ZMAT4: variants seen among roughly 807,000 people sequenced by gnomAD.
ZMAT4 encodes the protein zinc finger matrin-type 4.
A neutral mutation model predicts 28.7 loss-of-function variants in ZMAT4; 17 were observed. That is an observed-to-expected ratio of 0.59 (90% CI 0.41 to 0.89). The LOEUF is 0.89. Ranked by LOEUF, ZMAT4 falls within the 40% of genes least tolerant of loss-of-function variation. The probability of loss-of-function intolerance (pLI) is 0.00; values close to 1 mark genes in which losing one functional copy is unlikely to be tolerated. For synonymous variants in ZMAT4, 117 were observed against 109.2 expected (o/e 1.07, Z -0.44); for missense variants, 240 against 283.8 (o/e 0.85, Z 1.11).
intron 5 of ZMAT4, among the ~76,000 whole-genome samples, chr8:40,636,214 A>G (rs909150802): frequency 1.3e-5 from 2 of 152,262 alleles, no homozygotes; most frequent in Non-Finnish European, 2.9e-5. Flanking sequence ...ACACATATAC[A>G]TACACACACA....
chr8:40,601,507 A>AGAAAGAG (rs1554525415), intron 5 of ZMAT4, among the ~76,000 whole-genome samples: 1 of 143,140 alleles, frequency 7.0e-6, no homozygotes, highest in African/African-American at 2.6e-5. Context: ...GAAAGAAAGA[A>AGAAAGAG]AGAGAAAGAG....
At chr8:40,810,563 A>G (rs767634154) in intron 2 of ZMAT4, among the ~76,000 whole-genome samples, 6 of 152,222 alleles carry the variant, frequency 3.9e-5, no homozygotes, top group Non-Finnish European at 8.8e-5. Context: ...TGCAATATTT[A>G]AAGGTAAGCT....
intron 3 of ZMAT4, among the ~76,000 whole-genome samples, chr8:40,765,551 C>T (rs150314677): frequency 2.2e-3 from 339 of 151,986 alleles, no homozygotes; most frequent in African/African-American, 7.9e-3. Context: ...TTTTCAAAAC[C>T]CAGGAAACAG....
At chr8:40,630,332 A>C (rs1391480471) in intron 5 of ZMAT4, among the ~76,000 whole-genome samples, 1 of 152,222 alleles carries the variant, frequency 6.6e-6, no homozygotes, top group East Asian at 1.9e-4. Context: ...CACATTTCCC[A>C]GCAGGCTTAG....
At chr8:40,535,458 C>T (rs1461525057) in intron 6 of ZMAT4, among the ~76,000 whole-genome samples, 1 of 152,108 alleles carries the variant, frequency 6.6e-6, no homozygotes, top group East Asian at 1.9e-4. Flanking sequence ...ATCATGAGGT[C>T]AAGAGATCGA....
intron 1 of ZMAT4, among the ~76,000 whole-genome samples, chr8:40,885,976 G>A (rs900113935): frequency 1.3e-5 from 2 of 152,190 alleles, no homozygotes; most frequent in Non-Finnish European, 2.9e-5. Flanking sequence ...CTGAGAGGCT[G>A]GGAACTGGGT....
At chr8:40,886,938 A>G (rs574814280) in intron 1 of ZMAT4, among the ~76,000 whole-genome samples, 6 of 151,856 alleles carry the variant, frequency 4.0e-5, no homozygotes, top group East Asian at 1.9e-4. Flanking sequence ...TTGGGAGGCC[A>G]AGGCGGGCAG....
intron 5 of ZMAT4, among the ~76,000 whole-genome samples, chr8:40,599,247 T>C (rs889999087): frequency 2.6e-5 from 4 of 152,216 alleles, no homozygotes; most frequent in African/African-American, 9.7e-5. Context: ...GATTCATTTA[T>C]ATAGTTCCAA....
chr8:40,890,248 A>C (rs1293877186), intron 1 of ZMAT4, among the ~76,000 whole-genome samples: 1 of 152,216 alleles, frequency 6.6e-6, no homozygotes, highest in Non-Finnish European at 1.5e-5. Context: ...CCCACGTCTC[A>C]CGAACACCTC....
intron 6 of ZMAT4, among the ~76,000 whole-genome samples, chr8:40,566,150 C>T (rs1198192442): frequency 6.6e-6 from 1 of 152,086 alleles, no homozygotes; most frequent in Non-Finnish European, 1.5e-5. Flanking sequence ...TCTGATGTTC[C>T]TCCGCCGTGA....
chr8:40,701,343 T>G (rs183217249), intron 3 of ZMAT4, among the ~76,000 whole-genome samples: 1 of 151,982 alleles, frequency 6.6e-6, no homozygotes, highest in African/African-American at 2.4e-5. Context: ...TACCTGACAA[T>G]AGAGGGGCTG....
chr8:40,615,126 G>A (rs1363189869), intron 5 of ZMAT4, among the ~76,000 whole-genome samples: 1 of 151,998 alleles, frequency 6.6e-6, no homozygotes, highest in Non-Finnish European at 1.5e-5. Context: ...GCCTGGTGGT[G>A]ACAAAATCTC....
At chr8:40,553,781 C>T (rs1342211652) in intron 6 of ZMAT4, among the ~76,000 whole-genome samples, 4 of 152,152 alleles carry the variant, frequency 2.6e-5, no homozygotes, top group Non-Finnish European at 5.9e-5. Flanking sequence ...CTCTATTACA[C>T]TTTCTAGATC....
At chr8:40,826,720 C>A (rs1019232843) in intron 1 of ZMAT4, among the ~76,000 whole-genome samples, 2 of 152,160 alleles carry the variant, frequency 1.3e-5, no homozygotes, top group East Asian at 3.9e-4. Context: ...CCTCCACCAC[C>A]GCACACCACA....
chr8:40,590,350 C>T (rs1005968386), intron 5 of ZMAT4, among the ~76,000 whole-genome samples: 3 of 151,696 alleles, frequency 2.0e-5, no homozygotes, highest in Non-Finnish European at 4.4e-5. Context: ...TTCTTAAATA[C>T]AGCTGAATTC....
At chr8:40,615,864 A>T (rs1805983808) in intron 5 of ZMAT4, among the ~76,000 whole-genome samples, 1 of 152,160 alleles carries the variant, frequency 6.6e-6, no homozygotes, top group Non-Finnish European at 1.5e-5. Context: ...AGCAATGGCA[A>T]CAAAAGCTAA....
chr8:40,563,508 G>C (rs180922983), intron 6 of ZMAT4, among the ~76,000 whole-genome samples: 10 of 152,194 alleles, frequency 6.6e-5, no homozygotes, highest in Admixed American at 5.2e-4. Context: ...GAACATGCTA[G>C]GAAACCATAA....
intron 1 of ZMAT4, among the ~76,000 whole-genome samples, chr8:40,862,044 G>A (rs570585194): frequency 3.2e-4 from 48 of 152,268 alleles, no homozygotes; most frequent in African/African-American, 8.2e-4. Context: ...TAGAAATACC[G>A]TAAGACCCAG....
chr8:40,868,287 C>T (rs576594077), intron 1 of ZMAT4, among the ~76,000 whole-genome samples: 2 of 152,060 alleles, frequency 1.3e-5, no homozygotes, highest in Non-Finnish European at 2.9e-5. Flanking sequence ...GAGTGCTGTG[C>T]GGGCCACAGC....
Sources: allele counts gnomAD v4.1 joint callset (sites outside exome capture counted in the v4.1 genomes callset), GRCh38; gene constraint gnomAD v4.1.1; transcripts MANE v1.5; gene names NCBI Gene and HGNC (gene_info 2026-07-23, HGNC 2026-07-21).